Variants in CDC23 observed in about 807,000 individuals in gnomAD.
CDC23 encodes the protein cell division cycle protein 23 homolog.
In CDC23, 26 loss-of-function variants were observed where a neutral mutation model predicts 81.7. That is an observed-to-expected ratio of 0.32 (90% CI 0.23 to 0.44). CDC23 has a LOEUF of 0.44. Among genes scored for constraint, CDC23 ranks in the 20% least tolerant of loss-of-function variants. The pLI is 1.00. For missense variants in CDC23, 519 were observed against 728.0 expected, an observed-to-expected ratio of 0.71 and a Z score of 3.30; for synonymous variants, 267 against 270.8, an observed-to-expected ratio of 0.99 and a Z score of 0.14.
chr5:138,210,171 G>C (rs1755098594), intron 2 of CDC23, among the ~76,000 whole-genome samples: 1 of 142,522 alleles, frequency 7.0e-6, no homozygotes, highest in Admixed American at 7.0e-5. Flanking sequence ...AGCCGAGATT[G>C]AGCCACTGCA....
chr5:138,206,549 G>A lies in CDC23; in HGVS notation c.370C>T (p.Leu124=), dbSNP rs369848669. The A allele has an allele frequency of 9.9e-6, 16 of 1,613,948 alleles. No homozygotes were observed. The Admixed American group carries it at 1.5e-4, about 15-fold the overall frequency. Residue 124 remains leucine (L), a splice_region_variant and synonymous_variant, in exon 3 of 16, where the codon CTG becomes TTG. Coordinates refer to ENST00000394886, the MANE Select transcript of CDC23 (RefSeq NM_004661.4). ...AYFLYMYSRY[L]SGEKKKDDET... ...TGACATTTTAAAATGGCCCTCACCA[G>A]ATATCTGGAATACATATACAGAAAA... is the stretch of plus-strand genomic sequence containing the variant.
At chr5:138,204,547 C>T (rs922720843) in intron 3 of CDC23, among the ~76,000 whole-genome samples, 1 of 150,432 alleles carries the variant, frequency 6.6e-6, no homozygotes, top group African/African-American at 2.4e-5. Flanking sequence ...TTGTACTATT[C>T]TTATTCTCGC....
At chr5:138,208,261 A>T (rs1200889792) in intron 2 of CDC23, among the ~76,000 whole-genome samples, 1 of 152,182 alleles carries the variant, frequency 6.6e-6, no homozygotes, top group Non-Finnish European at 1.5e-5. Context: ...CCAATCCTCC[A>T]AATTCTAAGG....
rs1212805785 is a variant in CDC23 at position 138,201,346 on chromosome 5, T to A, written c.518A>T (p.Tyr173Phe). The A allele has an allele frequency of 6.2e-7, 1 of 1,613,882 alleles. No homozygotes were observed. The highest frequency in any genetic ancestry group is 8.5e-7 in the Non-Finnish European group (1 of 1,179,788). Residue 173 changes from tyrosine (Y) to phenylalanine (F), a missense_variant, in exon 5 of 16, where the codon TAT becomes TTT. This residue lies in a region of CDC23 where 180 missense variants were observed against 239.3 expected (regional missense o/e 0.75). Coordinates refer to ENST00000394886, the MANE Select transcript of CDC23 (RefSeq NM_004661.4). Reference protein sequence around the residue: ...QARELDGFGLYLYGVVLRKLD... With the variant: ...QARELDGFGLFLYGVVLRKLD... ...TCCAAATTACTGTAACACTTACAGA[T>A]AAAGTCCAAATCCATCAAGTTCTCG... is the stretch of plus-strand genomic sequence containing the variant.
chr5:138,207,932 A>G (rs1205915473), intron 2 of CDC23, among the ~76,000 whole-genome samples: 1 of 152,004 alleles, frequency 6.6e-6, no homozygotes, highest in Non-Finnish European at 1.5e-5. Flanking sequence ...TGTCTCAAAA[A>G]AAAAACAAAA....
chr5:138,202,281 T>G, intron 3 of CDC23, 126 bp from the exon 4 acceptor site: 1 of 627,446 alleles, frequency 1.6e-6, no homozygotes, highest in Non-Finnish European at 2.8e-6. Flanking sequence ...TGGTCATTAT[T>G]TATTTATTTA....
chr5:138,192,136 C>A, intron 11 of CDC23, 133 bp downstream of exon 11: 1 of 1,145,800 alleles, frequency 8.7e-7, no homozygotes, highest in South Asian at 1.5e-5. Context: ...AACCAAACAG[C>A]CTTCAGCAAC....
At chr5:138,210,782 TA>T (rs1755104252) in intron 2 of CDC23, among the ~76,000 whole-genome samples, 1 of 152,208 alleles carries the variant, frequency 6.6e-6, no homozygotes, top group Non-Finnish European at 1.5e-5. Context: ...GCAATGTCTG[TA>T]AAATCCCTGT....
At chr5:138,212,164 C>A (rs1324964426) in intron 2 of CDC23, among the ~76,000 whole-genome samples, 1 of 151,896 alleles carries the variant, frequency 6.6e-6, no homozygotes, top group Non-Finnish European at 1.5e-5. Flanking sequence ...TGAGTAGATA[C>A]TATTACTATC....
intron 2 of CDC23, among the ~76,000 whole-genome samples, chr5:138,208,807 G>C (rs1019062708): frequency 1.3e-5 from 2 of 152,064 alleles, no homozygotes; most frequent in Admixed American, 1.3e-4. Context: ...GTTTCGTTTT[G>C]AGACAGGATC....
intron 3 of CDC23, 134 bp downstream of exon 3, chr5:138,206,413 T>G (rs1163743709): frequency 1.2e-6 from 1 of 844,046 alleles, no homozygotes; most frequent in Non-Finnish European, 2.0e-6. Flanking sequence ...ATATCTTTTT[T>G]TTATTATTGC....
intron 3 of CDC23, 64 bp downstream of exon 3, chr5:138,206,483 T>A: frequency 6.3e-7 from 1 of 1,575,010 alleles, no homozygotes; most frequent in Non-Finnish European, 8.7e-7. Context: ...GATTTAACTT[T>A]TCCATTGGTT....
intron 9 of CDC23, among the ~76,000 whole-genome samples, chr5:138,196,218 T>G (rs1270307215): frequency 1.3e-5 from 2 of 152,044 alleles, no homozygotes; most frequent in African/African-American, 4.8e-5. Flanking sequence ...CACAATTCAT[T>G]AAGGAGTTCA....
At chr5:138,208,127 A>C (rs913375341) in intron 2 of CDC23, among the ~76,000 whole-genome samples, 3 of 151,882 alleles carry the variant, frequency 2.0e-5, no homozygotes, top group African/African-American at 7.3e-5. Flanking sequence ...ATGCCTGGCT[A>C]ATTTTTGTAT....
At chr5:138,199,813 G>A (rs17228442) in intron 6 of CDC23, among the ~76,000 whole-genome samples, 2,452 of 152,316 alleles carry the variant, frequency 0.016, 41 homozygotes, top group African/African-American at 0.046. Flanking sequence ...AACCTTCAAT[G>A]AAAGTCTAGT....
chr5:138,192,797 A>C, intron 9 of CDC23, 140 bp from the exon 10 acceptor site: 2 of 660,412 alleles, frequency 3.0e-6, no homozygotes, highest in East Asian at 5.5e-5. Flanking sequence ...CAAATTGTAC[A>C]AAAGGGAAAT....
intron 4 of CDC23, 31 bp from the exon 5 acceptor site, chr5:138,201,479 G>T (rs775502160): frequency 7.2e-7 from 1 of 1,387,726 alleles, no homozygotes; most frequent in Admixed American, 2.2e-5. Flanking sequence ...CTGTTCTAAG[G>T]TTAGGATGCT....
At chr5:138,200,382 T>C (rs1353543012) in intron 6 of CDC23, among the ~76,000 whole-genome samples, 1 of 151,892 alleles carries the variant, frequency 6.6e-6, no homozygotes, top group African/African-American at 2.4e-5. Context: ...TCCACCCACC[T>C]TGGCTTCCCA....
At chr5:138,195,583 TATATATA>T (rs1347955494) in intron 9 of CDC23, among the ~76,000 whole-genome samples, 1 of 56,962 alleles carries the variant, frequency 1.8e-5, no homozygotes. Context: ...TATAATATAT[TATATATA>T]ATATATATTA....
Sources: gnomAD v4.1 joint callset for allele counts (sites outside exome capture counted in the v4.1 genomes callset) on GRCh38, gnomAD v4.1.1 for gene constraint, gnomAD v4.1.1 regional missense constraint, MANE v1.5 for transcripts, NCBI Gene and HGNC (gene_info 2026-07-23, HGNC 2026-07-21) for gene names.